Variants in SNURF observed in about 807,000 individuals in gnomAD.
SNURF encodes the protein SNURF protein.
In SNURF, 6 loss-of-function variants were observed where a neutral mutation model predicts 11.6. That is an observed-to-expected ratio of 0.52 (90% CI 0.28 to 1.02). The LOEUF is 1.02. SNURF is among the 50% of genes least tolerant of loss of function. SNURF has a pLI of 0.09. For synonymous variants in SNURF, 29 were observed against 31.6 expected (o/e 0.92, Z 0.27); for missense variants, 84 against 88.4 (o/e 0.95, Z 0.20).
At position 24,959,966 on chromosome 15, in the gene SNURF, TAGAA is replaced by T. The variant is rs540872995; in HGVS notation, c.15-2143_15-2140del. Among the ~76,000 whole-genome samples, 8 of 152,254 alleles carry T rather than the reference TAGAA, an allele frequency of 5.3e-5. No individual in the cohort carries two copies. The South Asian group carries it at 1.5e-3, about 28-fold the overall frequency. ...GTAGCTGGGAAGGCTGCAGGTATAATAGAAAGAACATGAACTGTCTGGGCATGGT... is the reference window on the plus strand; with the variant it reads ...GTAGCTGGGAAGGCTGCAGGTATAATAGAACATGAACTGTCTGGGCATGGT... On this transcript the variant is annotated intron_variant, in intron 1 of 2. Coordinates refer to ENST00000577949, the Ensembl canonical transcript of SNURF.
downstream of SNURF, among the ~76,000 whole-genome samples, chr15:24,973,619 C>T (rs781718315): frequency 6.6e-6 from 1 of 151,704 alleles, no homozygotes; most frequent in Non-Finnish European, 1.5e-5. Context: ...AGGCTGGTCT[C>T]GAACTCTTGA....
chr15:24,955,752 GCGA>G (rs1324781270), intron 1 of SNURF, among the ~76,000 whole-genome samples: 198 of 151,706 alleles, frequency 1.3e-3, no homozygotes, highest in Non-Finnish European at 2.2e-3. Context: ...GGGGAAGGCG[GCGA>G]CAGTGGGTAT....
chr15:24,978,211 C>T (rs774320395), downstream of SNURF: 2 of 1,613,810 alleles, frequency 1.2e-6, no homozygotes, highest in East Asian at 2.2e-5. Context: ...GCTCCTCCAC[C>T]TGGTATGAGA....
downstream of SNURF, chr15:24,978,584 G>A (rs976762544): frequency 1.2e-6 from 1 of 801,892 alleles, no homozygotes; most frequent in African/African-American, 1.7e-5. Context: ...TAAACTGTGA[G>A]GTACTGTTGT....
exon 3 of SNURF, chr15:24,968,059 A>G (rs1352762045): frequency 3.1e-6 from 5 of 1,607,246 alleles, no homozygotes; most frequent in Non-Finnish European, 4.3e-6. Flanking sequence ...AGTAGCGAGG[A>G]ATCTGATTCC....
intron 1 of SNURF, among the ~76,000 whole-genome samples, chr15:24,957,622 TAACAG>T (rs1463418992): frequency 6.6e-6 from 1 of 152,222 alleles, no homozygotes; most frequent in African/African-American, 2.4e-5. Context: ...GAGTTGTAAT[TAACAG>T]AAAAGTTAAA....
At chr15:24,957,489 C>T (rs142659222) in intron 1 of SNURF, among the ~76,000 whole-genome samples, 233 of 152,236 alleles carry the variant, frequency 1.5e-3, no homozygotes, top group African/African-American at 5.0e-3. Context: ...TTTTTATATT[C>T]CAGTACTTTT....
chr15:24,974,430 A>G (rs199694871), intron 3 of SNURF: 8 of 1,613,016 alleles, frequency 5.0e-6, no homozygotes, highest in East Asian at 2.2e-5. Flanking sequence ...AACTGTGGAC[A>G]TTGGATTTGG....
chr15:24,972,255 C>CA (rs5811371), downstream of SNURF, among the ~76,000 whole-genome samples: 49,434 of 107,854 alleles, frequency 0.46, 9,386 homozygotes, highest in East Asian at 0.58. Context: ...GACTCTGTCT[C>CA]AAAAAAAAAA....
chr15:24,974,224 C>T, intron 3 of SNURF: 1 of 558,312 alleles, frequency 1.8e-6, no homozygotes, highest in Admixed American at 3.2e-5. Flanking sequence ...TTGAACGTGT[C>T]TGTCATAGTG....
chr15:24,958,510 T>TAAAA, intron 1 of SNURF, among the ~76,000 whole-genome samples: 1 of 140,014 alleles, frequency 7.1e-6, no homozygotes, highest in African/African-American at 2.7e-5. Context: ...TTTTTTTTTT[T>TAAAA]TTTTTTTTTT....
chr15:24,961,471 G>A (rs1473589075), intron 1 of SNURF, among the ~76,000 whole-genome samples: 1 of 152,230 alleles, frequency 6.6e-6, no homozygotes, highest in East Asian at 1.9e-4. Context: ...AATATGGCTA[G>A]TCTGGTGTGG....
chr15:24,964,202 G>A (rs1395386484), intron 2 of SNURF, among the ~76,000 whole-genome samples: 1 of 151,672 alleles, frequency 6.6e-6, no homozygotes, highest in Non-Finnish European at 1.5e-5. Context: ...TTTTATGTAC[G>A]TTTTGTTTGT....
chr15:24,976,401 G>T (rs1315978968), exon 5 of SNURF: 1 of 1,609,494 alleles, frequency 6.2e-7, no homozygotes, highest in South Asian at 1.1e-5. Context: ...CTGTGGAGGG[G>T]CCACCCCCCA....
At chr15:24,978,335 G>C (rs1043099236), downstream of SNURF, 1 of 1,614,044 alleles carries the variant, frequency 6.2e-7, no homozygotes, top group Admixed American at 1.7e-5. Flanking sequence ...GGGAGCATAG[G>C]GGTTTGATGG....
At chr15:24,971,651 G>C (rs908197383), downstream of SNURF, among the ~76,000 whole-genome samples, 1 of 152,094 alleles carries the variant, frequency 6.6e-6, no homozygotes, top group Non-Finnish European at 1.5e-5. Flanking sequence ...CGCTAAGCTT[G>C]TGGGAGTTAT....
intron 1 of SNURF, among the ~76,000 whole-genome samples, chr15:24,961,134 A>G (rs1446800276): frequency 2.0e-5 from 3 of 152,198 alleles, no homozygotes; most frequent in South Asian, 2.1e-4. Flanking sequence ...GTTATATTTA[A>G]TAGACCATTG....
chr15:24,968,092 A>G (rs1055571549), exon 3 of SNURF: 2 of 1,395,420 alleles, frequency 1.4e-6, no homozygotes, highest in Admixed American at 1.7e-5. Context: ...GGTTAGAGCT[A>G]ATGCAGCAAT....
downstream of SNURF, chr15:24,978,249 C>T: frequency 2.5e-6 from 4 of 1,613,994 alleles, no homozygotes; most frequent in Non-Finnish European, 3.4e-6. Context: ...AATTGGGCTT[C>T]CCCCTGCTCG....
Sources: gnomAD v4.1 joint callset for allele counts (sites outside exome capture counted in the v4.1 genomes callset) on GRCh38, gnomAD v4.1.1 for gene constraint, MANE v1.5 for transcripts, NCBI Gene and HGNC (gene_info 2026-07-23, HGNC 2026-07-21) for gene names.